Variants in LGALS12 observed in about 807,000 individuals in gnomAD.
LGALS12 encodes galectin 12, also known as galectin-12.
LGALS12 carries 36 observed loss-of-function variants against 36.8 expected under a neutral mutation model. The observed-to-expected ratio is 0.98, with a 90% CI of 0.75 to 1.29. The LOEUF is 1.29. Among genes scored for constraint, LGALS12 ranks in the 50% most tolerant of loss-of-function variants. LGALS12 has a pLI of 0.00. For synonymous variants in LGALS12, 145 were observed against 155.9 expected (o/e 0.93, Z 0.52); for missense variants, 366 against 394.3 (o/e 0.93, Z 0.61).
chr11:63,506,429 A>G lies in LGALS12; in HGVS notation c.-30A>G, dbSNP rs1258599152. On this transcript the variant is annotated 5_prime_UTR_variant, in exon 1 of 9. Transcript: ENST00000394618. ...CAGTGGGGGCAGGGCTCCTGGAACG[A>G]GGATCTACAGTTGGAGTTGCCCCAC... The G allele has an allele frequency of 3.1e-6, 5 of 1,614,096 alleles. No homozygotes were observed. In the African/African-American group the frequency reaches 6.7e-5, roughly 22 times the overall value.
chr11:63,515,804 A>G (rs766685880), intron 8 of LGALS12, 91 bp downstream of exon 8: 6 of 1,406,490 alleles, frequency 4.3e-6, no homozygotes, highest in Non-Finnish European at 5.8e-6. Context: ...GCAGGTGTGC[A>G]GGACAGATGT....
intron 7 of LGALS12, among the ~76,000 whole-genome samples, chr11:63,513,962 C>T (rs144226523): frequency 6.6e-6 from 1 of 152,254 alleles, no homozygotes; most frequent in African/African-American, 2.4e-5. Flanking sequence ...ACCAGGAGTT[C>T]GCAGGCCAGA....
chr11:63,508,428 A>G lies in LGALS12; in HGVS notation c.70-125A>G, dbSNP rs139900558. On this transcript the variant is annotated intron_variant, in intron 1 of 8. Transcript: ENST00000394618. ...CAGTGAACACTGATTTTTACCTATA[A>G]GGAATTTTCTGTTTGGAGAGGAAAA... 0.011 allele frequency: 16,800 copies of G among 1,476,722 alleles called. 195 individuals are homozygous for G. Among genetic ancestry groups the G allele is most frequent in the South Asian group, 0.041 (2,899 of 69,912 alleles). The allele number at this position is 1,476,722 out of a possible 1,614,324, so 91.5% of individuals were successfully genotyped here.
chr11:63,516,410 AT>A lies in LGALS12; in HGVS notation c.*18del. 5 of 1,613,654 alleles carry A rather than the reference AT, an allele frequency of 3.1e-6. 1 individual carries two copies. The highest frequency in any genetic ancestry group is 3.4e-6 in the Non-Finnish European group (4 of 1,179,966). On this transcript the variant is annotated 3_prime_UTR_variant, in exon 9 of 9. Transcript: ENST00000394618. ...CACTCCTGAGGATGGTTCCAGGGAAATACCGCCAGAAAACAAGAAGGTCAGC... is the reference window on the plus strand; with the variant it reads ...CACTCCTGAGGATGGTTCCAGGGAAAACCGCCAGAAAACAAGAAGGTCAGC...
intron 7 of LGALS12, among the ~76,000 whole-genome samples, chr11:63,514,044 A>G (rs1239652541): frequency 6.6e-6 from 1 of 151,662 alleles, no homozygotes; most frequent in Non-Finnish European, 1.5e-5. Context: ...CACGCAGTCC[A>G]CTCTCCAGGG....
At chr11:63,512,519 G>A (rs144853164) in intron 7 of LGALS12, among the ~76,000 whole-genome samples, 66 of 152,240 alleles carry the variant, frequency 4.3e-4, no homozygotes, top group African/African-American at 9.9e-4. Context: ...GGCCGGGCGC[G>A]GTGGCTCACA....
rs1447300273 is a variant in LGALS12 at position 63,515,575 on chromosome 11, C to T, written c.660C>T (p.Ser220=). The T allele has an allele frequency of 6.2e-7, 1 of 1,614,030 alleles. No individual in the cohort carries two copies. Among genetic ancestry groups the T allele is most frequent in the Non-Finnish European group, 8.5e-7 (1 of 1,180,018 alleles). ...VLQEPKHFTV[S]LRDQAAHAPV... ...CTGCTTCCTGCAGTTTTACTGTGAG[C>T]CTGAGGGACCAGGCTGCCCATGCTC... The change falls in exon 8 of 9, where the codon AGC becomes AGT. Residue 220 remains serine (S), a synonymous_variant. Coordinates refer to ENST00000394618, the MANE Select transcript of LGALS12 (RefSeq NM_033101.4).
rs201373616 is a variant in LGALS12, at chr11:63,515,543, C to T, written c.648-20C>T. The stretch of plus-strand genomic sequence containing the variant: ...GGGCAATGGGCGCTGATTCCTTCTC[C>T]TTCCTCCTGCTTCCTGCAGTTTTAC... On this transcript the variant is annotated intron_variant, in intron 7 of 8. Transcript: ENST00000394618. 6.2e-7 allele frequency: 1 copy of T among 1,613,066 alleles called. No homozygotes were observed. Among genetic ancestry groups the T allele is most frequent in the East Asian group, 2.2e-5 (1 of 44,862 alleles).
At chr11:63,510,885 C>A (rs546259719) in intron 5 of LGALS12, among the ~76,000 whole-genome samples, 194 bp from the exon 6 acceptor site, 8 of 152,348 alleles carry the variant, frequency 5.3e-5, no homozygotes, top group African/African-American at 1.9e-4. Flanking sequence ...AAATCCTCCA[C>A]CCCGTTCTTC....
Position 63,510,515 on chromosome 11 carries a change from C to T in LGALS12, c.531+14C>T. On this transcript the variant is annotated intron_variant, in intron 5 of 8. Transcript: ENST00000394618. ...CCAGCTGGACATGTGAGTTTCTTGG[C>T]AGCAAGGTCTGAGCAGCCACACCAG... The T allele has an allele frequency of 1.2e-6, 2 of 1,613,686 alleles. No homozygotes were observed. The highest frequency in any genetic ancestry group is 1.7e-6 in the Non-Finnish European group (2 of 1,179,722).
chr11:63,508,676 G>T, intron 2 of LGALS12, 35 bp downstream of exon 2: 1 of 1,613,742 alleles, frequency 6.2e-7, no homozygotes, highest in South Asian at 1.1e-5. Context: ...GGGTGCTGGA[G>T]CTCAGCCCTA....
chr11:63,508,244 C>T, intron 1 of LGALS12: 2 of 1,218,364 alleles, frequency 1.6e-6, no homozygotes, highest in South Asian at 1.9e-5. Flanking sequence ...GGATGGCAAG[C>T]CTCCCTGGGG....
intron 3 of LGALS12, 85 bp downstream of exon 3, chr11:63,509,076 T>C: frequency 2.8e-6 from 3 of 1,078,048 alleles, no homozygotes; most frequent in African/African-American, 1.6e-5. Context: ...CACGACACAA[T>C]GTTGAGTGGC....
intron 1 of LGALS12, 120 bp from the exon 2 acceptor site, chr11:63,508,433 T>C: frequency 1.3e-6 from 2 of 1,482,442 alleles, no homozygotes; most frequent in Non-Finnish European, 1.8e-6. Flanking sequence ...CTATAAGGAA[T>C]TTTCTGTTTG....
In LGALS12 at chr11:63,510,471, G is replaced by A. The variant is rs772237442; in HGVS notation, c.501G>A (p.Val167=). 6.2e-7 allele frequency: 1 copy of A among 1,614,148 alleles called. No individual in the cohort carries two copies. The highest frequency in any genetic ancestry group is 8.5e-7 in the Non-Finnish European group (1 of 1,179,998). Residue 167 remains valine, a synonymous_variant, in exon 5 of 9, where the codon GTG becomes GTA. Coordinates refer to ENST00000394618, the MANE Select transcript of LGALS12 (RefSeq NM_033101.4). ...AVGFLNINPF[V]EGSREYPAGH... ...TCTCTCTTTCTGAACAGCCATTTGT[G>A]GAGGGCAGCAGAGAGTACCCAGCTG...
At chr11:63,512,213 C>A (rs1449038901) in intron 7 of LGALS12, among the ~76,000 whole-genome samples, 1 of 152,216 alleles carries the variant, frequency 6.6e-6, no homozygotes, top group Non-Finnish European at 1.5e-5. Context: ...TACAGCCAGA[C>A]TGCCCCAGAG....
In LGALS12 at chr11:63,511,810, TACG is replaced by T; in HGVS notation, c.618_620del (p.Arg207del). 1 of 1,613,662 alleles carries T rather than the reference TACG, an allele frequency of 6.2e-7. No individual in the cohort carries two copies. The highest frequency in any genetic ancestry group is 8.5e-7 in the Non-Finnish European group (1 of 1,179,812). The stretch of plus-strand genomic sequence containing the variant: ...CTCTCGCCTGGGCAGGTCATCATAG[TACG>T]GGGACTGGTCTTGCAAGAGCCGAAG... On this transcript the variant is annotated inframe_deletion, in exon 7 of 9. Transcript: ENST00000394618.
intron 1 of LGALS12, 110 bp downstream of exon 1, chr11:63,506,637 TC>T: frequency 1.4e-6 from 2 of 1,408,868 alleles, no homozygotes; most frequent in Non-Finnish European, 2.0e-6. Context: ...TTTCTGCTTC[TC>T]CCAGCACCTG....
At chr11:63,510,970 G>A in intron 5 of LGALS12, 109 bp from the exon 6 acceptor site, 2 of 1,115,908 alleles carry the variant, frequency 1.8e-6, no homozygotes, top group Non-Finnish European at 2.7e-6. Flanking sequence ...ACCTACTGCT[G>A]TGAGAGAGAC....
Sources: gnomAD v4.1 joint callset for allele counts (sites outside exome capture counted in the v4.1 genomes callset) on GRCh38, gnomAD v4.1.1 for gene constraint, MANE v1.5 for transcripts, NCBI Gene and HGNC (gene_info 2026-07-23, HGNC 2026-07-21) for gene names.